UBN1: variants seen among roughly 807,000 people sequenced by gnomAD.
The protein encoded by UBN1 is ubinuclein 1, also known as ubinuclein-1.
Under a neutral mutation model 108.5 loss-of-function variants are expected in UBN1, and 17 were observed. The observed-to-expected ratio is 0.16, with a 90% CI of 0.11 to 0.24. The LOEUF (loss-of-function observed/expected upper bound fraction) is 0.24, where lower values mean the gene tolerates loss of function less well. Ranked by LOEUF, UBN1 falls within the 10% of genes least tolerant of loss-of-function variation. The pLI, the probability that UBN1 is intolerant of heterozygous loss-of-function variation, is 1.00. For missense variants in UBN1, 1,595 were observed against 1,394.4 expected, an observed-to-expected ratio of 1.14 and a Z score of -2.29; for synonymous variants, 726 against 564.2, an observed-to-expected ratio of 1.29 and a Z score of -4.07.
chr16:4,877,079 C>T lies in UBN1; in HGVS notation c.3233C>T (p.Ala1078Val). ...VSKDAIVTGP[A>V]PGSFHHGLGH... ...AAGGATGCCATCGTCACAGGCCCTG[C>T]CCCCGGGTCCTTCCACCATGGCCTT... is the stretch of plus-strand genomic sequence containing the variant. Residue 1078 changes from alanine (A) to valine (V), a missense_variant, in exon 16 of 18, where the codon GCC becomes GTC. Coordinates refer to ENST00000262376, the MANE Select transcript of UBN1 (RefSeq NM_001079514.3). The surrounding 1 kb of genome is among the most constrained non-coding windows in gnomAD (Gnocchi z 4.3). 6.2e-7 allele frequency: 1 copy of T among 1,612,840 alleles called. No individual in the cohort carries two copies. The highest frequency in any genetic ancestry group is 1.3e-5 in the African/African-American group (1 of 75,020).
chr16:4,849,915 C>T (rs2086463092), intron 1 of UBN1, among the ~76,000 whole-genome samples: 1 of 123,680 alleles, frequency 8.1e-6, no homozygotes, highest in African/African-American at 3.2e-5. Flanking sequence ...CACTGCACTC[C>T]AGCCTGGGCA....
intron 1 of UBN1, among the ~76,000 whole-genome samples, chr16:4,850,270 C>T (rs1048512747): frequency 6.6e-6 from 1 of 152,110 alleles, no homozygotes; most frequent in African/African-American, 2.4e-5. Context: ...CTTCTTGGGC[C>T]TGGAGAGTCA....
intron 7 of UBN1, among the ~76,000 whole-genome samples, chr16:4,861,689 C>T (rs2087071175): frequency 6.6e-6 from 1 of 152,206 alleles, no homozygotes; most frequent in Non-Finnish European, 1.5e-5. Flanking sequence ...CGCCTGTAAT[C>T]CCAGCACTTT....
intron 17 of UBN1, among the ~76,000 whole-genome samples, chr16:4,878,349 A>C (rs2142299694): frequency 6.6e-6 from 1 of 152,282 alleles, no homozygotes; most frequent in South Asian, 2.1e-4. Flanking sequence ...CTCGTATGGA[A>C]GCCAGCCGAG....
Position 4,876,971 on chromosome 16 carries a change from C to T in UBN1, c.3125C>T (p.Ser1042Phe). ...CTGTCTGGGGCCATGAGCTCGAACTCCTTGGGAATTATAACCCCTGTCCCT... is the reference window on the plus strand; with the variant it reads ...CTGTCTGGGGCCATGAGCTCGAACTTCTTGGGAATTATAACCCCTGTCCCT... ...PKLSGAMSSNSLGIITPVPIP... is the reference protein window; with the variant it reads ...PKLSGAMSSNFLGIITPVPIP... The change falls in exon 16 of 18, where the codon TCC (serine) becomes TTC (phenylalanine). Residue 1042 changes from serine (S) to phenylalanine (F), a missense_variant. This residue lies in a region of UBN1 where 1,398 missense variants were observed against 1,194.7 expected (regional missense o/e 1.17). Transcript: ENST00000262376. 1 of 1,614,214 alleles carries T rather than the reference C, an allele frequency of 6.2e-7. No individual in the cohort carries two copies. Among genetic ancestry groups the T allele is most frequent in the Non-Finnish European group, 8.5e-7 (1 of 1,180,044 alleles).
chr16:4,876,954 G>C lies in UBN1; in HGVS notation c.3108G>C (p.Gly1036=), dbSNP rs1430468953. The change falls in exon 16 of 18, where the codon GGG becomes GGC. Residue 1036 remains glycine (G), a synonymous_variant. Coordinates refer to ENST00000262376, the MANE Select transcript of UBN1 (RefSeq NM_001079514.3). The part of the protein sequence containing the change: ...PYKSSSPKLS[G]AMSSNSLGII... Reference sequence around the variant, plus strand: ...AATCCAGCAGCCCAAAGCTGTCTGGGGCCATGAGCTCGAACTCCTTGGGAA... The same window carrying C: ...AATCCAGCAGCCCAAAGCTGTCTGGCGCCATGAGCTCGAACTCCTTGGGAA... 4 of 1,614,028 alleles carry C rather than the reference G, an allele frequency of 2.5e-6. No homozygotes were observed. Among genetic ancestry groups the C allele is most frequent in the Non-Finnish European group, 3.4e-6 (4 of 1,180,030 alleles).
In UBN1 at chr16:4,861,122, C is replaced by A. The variant is rs996761078; in HGVS notation, c.1110+20C>A. 14 of 1,593,708 alleles carry A rather than the reference C, an allele frequency of 8.8e-6. No homozygotes were observed. Among genetic ancestry groups the A allele is most frequent in the Middle Eastern group, 1.9e-4 (1 of 5,378 alleles). On this transcript the variant is annotated intron_variant, in intron 7 of 17. Transcript: ENST00000262376. ...GCTCAGGTATGGTGGCACAGTGCGGCTGGGCTTTCCTGGAAGCAGTTTGGG... is the reference window on the plus strand; with the variant it reads ...GCTCAGGTATGGTGGCACAGTGCGGATGGGCTTTCCTGGAAGCAGTTTGGG...
intron 3 of UBN1, 35 bp downstream of exon 3, chr16:4,858,111 A>C: frequency 1.3e-4 from 180 of 1,416,142 alleles, no homozygotes; most frequent in Non-Finnish European, 1.6e-4. Flanking sequence ...AAACAACCTC[A>C]TTGGGTGGGA....
In UBN1 at chr16:4,849,949, C is replaced by CAAAAAAAAAAAA. The variant is rs751842571; in HGVS notation, c.-40+1745_-40+1756dup. On this transcript the variant is annotated intron_variant, in intron 1 of 17. Coordinates refer to ENST00000262376, the MANE Select transcript of UBN1 (RefSeq NM_001079514.3). ...CAACAGGAGTGAGGCAACTGTCTCA[C>CAAAAAAAAAAAA]AAAAAAAAAAAAAAAAACCACAAAA... is the stretch of plus-strand genomic sequence containing the variant. Among the ~76,000 whole-genome samples the CAAAAAAAAAAAA allele has an allele frequency of 3.7e-3, 267 of 71,852 alleles. 14 individuals are homozygous for CAAAAAAAAAAAA. The highest frequency in any genetic ancestry group is 9.5e-3 in the African/African-American group (160 of 16,830). The allele number at this position is 71,852 out of a possible 152,430, so 47.1% of individuals were successfully genotyped here. A position where few individuals can be genotyped will look rare whatever the true frequency, so the allele number is the denominator to read the frequency against.
At chr16:4,872,458 G>C (rs572074771) in intron 12 of UBN1, 129 of 319,720 alleles carry the variant, frequency 4.0e-4, no homozygotes, top group African/African-American at 2.8e-3. Flanking sequence ...TTGTGTGTGT[G>C]GGGGGTGGGT....
chr16:4,870,054 G>A (rs2087544884), intron 8 of UBN1, among the ~76,000 whole-genome samples, 158 bp from the exon 9 acceptor site: 1 of 152,200 alleles, frequency 6.6e-6, no homozygotes, highest in Non-Finnish European at 1.5e-5. Context: ...GTTGATTGCT[G>A]AGGATGTGTT....
intron 12 of UBN1, 132 bp downstream of exon 12, chr16:4,871,433 G>A: frequency 7.7e-7 from 1 of 1,293,900 alleles, no homozygotes; most frequent in African/African-American, 1.5e-5. Flanking sequence ...TCTCACCTGA[G>A]TAACTGGGGG....
rs769270606 is a variant in UBN1, at chr16:4,874,189, C to T, written c.1801-22C>T. The T allele has an allele frequency of 2.6e-6, 4 of 1,525,870 alleles. No individual in the cohort carries two copies. The African/African-American group carries it at 4.2e-5, about 16-fold the overall frequency. The allele number at this position is 1,525,870 out of a possible 1,614,324, so 94.5% of individuals were successfully genotyped here. A position where few individuals can be genotyped will look rare whatever the true frequency, so the allele number is the denominator to read the frequency against. On this transcript the variant is annotated intron_variant, in intron 14 of 17. Transcript: ENST00000262376. ...GGCATCTTTGGACCTTTCTAAACAT[C>T]AACATTTCTGTTTTCCTTTAGGAAT...
In UBN1 at chr16:4,876,955, G is replaced by T. The variant is rs1388892891; in HGVS notation, c.3109G>T (p.Ala1037Ser). The part of the protein sequence containing the change: ...YKSSSPKLSG[A>S]MSSNSLGIIT... ...ATCCAGCAGCCCAAAGCTGTCTGGG[G>T]CCATGAGCTCGAACTCCTTGGGAAT... is the stretch of plus-strand genomic sequence containing the variant. Residue 1037 changes from alanine to serine, a missense_variant, in exon 16 of 18, where the codon GCC becomes TCC. This residue lies in a region of UBN1 where 1,398 missense variants were observed against 1,194.7 expected (regional missense o/e 1.17). Coordinates refer to ENST00000262376, the MANE Select transcript of UBN1 (RefSeq NM_001079514.3). 2 of 1,614,190 alleles carry T rather than the reference G, an allele frequency of 1.2e-6. No individual in the cohort carries two copies. Among genetic ancestry groups the T allele is most frequent in the Non-Finnish European group, 1.7e-6 (2 of 1,180,036 alleles).
intron 12 of UBN1, among the ~76,000 whole-genome samples, chr16:4,871,795 C>T (rs2087652128): frequency 6.6e-6 from 1 of 152,072 alleles, no homozygotes; most frequent in South Asian, 2.1e-4. Context: ...ACCGTGTTAG[C>T]CAGGATGGTC....
At chr16:4,848,869 G>C (rs770311377) in intron 1 of UBN1, among the ~76,000 whole-genome samples, 2 of 152,226 alleles carry the variant, frequency 1.3e-5, no homozygotes, top group Non-Finnish European at 2.9e-5. Context: ...GGGATGCCGA[G>C]GCGGGTGGAC....
In UBN1 at chr16:4,877,326, C is replaced by T; in HGVS notation, c.3266-59C>T. ...GGCTTTTGGCTGCTGGAGCTGCTTT[C>T]CTGTTCCTGTCTTCAATGTGTGTGT... On this transcript the variant is annotated intron_variant, in intron 16 of 17. Transcript: ENST00000262376. This position sits in a 1 kb window ranked among gnomAD's most constrained non-coding sequence, Gnocchi z 4.3. 1.3e-6 allele frequency: 2 copies of T among 1,568,996 alleles called. No homozygotes were observed. The highest frequency in any genetic ancestry group is 1.2e-5 in the South Asian group (1 of 86,238).
At chr16:4,871,794 G>A (rs2087651996) in intron 12 of UBN1, among the ~76,000 whole-genome samples, 1 of 151,952 alleles carries the variant, frequency 6.6e-6, no homozygotes, top group South Asian at 2.1e-4. Flanking sequence ...CACCGTGTTA[G>A]CCAGGATGGT....
At chr16:4,851,181 T>A (rs1166783428) in intron 1 of UBN1, among the ~76,000 whole-genome samples, 1 of 152,170 alleles carries the variant, frequency 6.6e-6, no homozygotes, top group East Asian at 1.9e-4. Flanking sequence ...CTGGGGTTAA[T>A]GAAGTAAATG....
Sources: gnomAD v4.1 joint callset for allele counts (sites outside exome capture counted in the v4.1 genomes callset) on GRCh38, gnomAD v4.1.1 for gene constraint, gnomAD v4.1.1 regional missense constraint, Gnocchi (gnomAD v3.1) non-coding constraint, MANE v1.5 for transcripts, NCBI Gene and HGNC (gene_info 2026-07-23, HGNC 2026-07-21) for gene names.